The following ATRNL1 variants were observed in gnomAD, a reference collection of about 807,000 sequenced individuals.
ATRNL1 encodes the protein attractin-like protein 1.
ATRNL1 carries 95 observed loss-of-function variants against 182.7 expected under a neutral mutation model. The observed-to-expected ratio is 0.52, with a 90% CI of 0.44 to 0.62. The LOEUF (loss-of-function observed/expected upper bound fraction) is 0.62, where lower values mean the gene tolerates loss of function less well. ATRNL1 is among the 20% of genes least tolerant of loss of function. The pLI is 0.00. For synonymous variants in ATRNL1, 576 were observed against 568.3 expected (o/e 1.01, Z -0.19); for missense variants, 1,471 against 1,679.5 (o/e 0.88, Z 2.17).
intron 28 of ATRNL1, among the ~76,000 whole-genome samples, chr10:115,879,570 G>A (rs1219128082): frequency 6.6e-6 from 1 of 152,198 alleles, no homozygotes. Flanking sequence ...GTGAGAAAGG[G>A]AACCGAGAAT....
At chr10:115,764,729 A>G (rs1446951356) in intron 27 of ATRNL1, among the ~76,000 whole-genome samples, 10 of 151,796 alleles carry the variant, frequency 6.6e-5, no homozygotes, top group Non-Finnish European at 1.5e-4. Context: ...CTGGAGTGCA[A>G]TGGTGCAATC....
chr10:115,935,628 C>T (rs557946738), intron 28 of ATRNL1, among the ~76,000 whole-genome samples: 249 of 152,176 alleles, frequency 1.6e-3, no homozygotes, highest in African/African-American at 5.5e-3. Context: ...GTCATTTAAC[C>T]GCTCCGTGCC....
intron 28 of ATRNL1, among the ~76,000 whole-genome samples, chr10:115,848,354 G>A (rs1950978073): frequency 6.6e-6 from 1 of 152,104 alleles, no homozygotes; most frequent in South Asian, 2.1e-4. Flanking sequence ...GTGGCATGTT[G>A]GAAACCAAAT....
chr10:115,223,309 T>C (rs1476161150), intron 9 of ATRNL1, among the ~76,000 whole-genome samples: 1 of 152,092 alleles, frequency 6.6e-6, no homozygotes, highest in East Asian at 1.9e-4. Context: ...TTATACTAAA[T>C]GTGACAGATT....
At chr10:115,513,100 A>G (rs571042185) in intron 24 of ATRNL1, among the ~76,000 whole-genome samples, 1 of 152,110 alleles carries the variant, frequency 6.6e-6, no homozygotes, top group South Asian at 2.1e-4. Flanking sequence ...GTATGGCCTA[A>G]GACAATTCTT....
At chr10:115,732,888 G>T (rs1242557116) in intron 27 of ATRNL1, among the ~76,000 whole-genome samples, 1 of 152,090 alleles carries the variant, frequency 6.6e-6, no homozygotes, top group Non-Finnish European at 1.5e-5. Flanking sequence ...GATAATTGTG[G>T]ATCTTAAGGA....
intron 26 of ATRNL1, among the ~76,000 whole-genome samples, chr10:115,576,547 CT>C: frequency 6.6e-6 from 1 of 152,038 alleles, no homozygotes; most frequent in Non-Finnish European, 1.5e-5. Flanking sequence ...GGAGAAATGT[CT>C]ATTTACATTC....
chr10:115,814,294 G>A (rs1314852231), intron 27 of ATRNL1, among the ~76,000 whole-genome samples: 1 of 152,014 alleles, frequency 6.6e-6, no homozygotes, highest in Non-Finnish European at 1.5e-5. Context: ...ATCTTGATAT[G>A]GTAGGCAATG....
At chr10:115,856,579 A>T (rs1951194019) in intron 28 of ATRNL1, among the ~76,000 whole-genome samples, 1 of 152,044 alleles carries the variant, frequency 6.6e-6, no homozygotes, top group East Asian at 1.9e-4. Context: ...ACAATTTTCC[A>T]CAGACCTGGG....
chr10:115,737,267 C>A (rs1555066138), intron 27 of ATRNL1, among the ~76,000 whole-genome samples: 1 of 73,656 alleles, frequency 1.4e-5, no homozygotes, highest in Non-Finnish European at 3.1e-5. Flanking sequence ...CTCTACAAAA[C>A]ATCCCCCCCC....
intron 24 of ATRNL1, among the ~76,000 whole-genome samples, chr10:115,498,644 A>T (rs1728101856): frequency 6.6e-6 from 1 of 151,832 alleles, no homozygotes; most frequent in Non-Finnish European, 1.5e-5. Flanking sequence ...CTTAAAAATT[A>T]GATACTTTCT....
At position 115,475,406 on chromosome 10, in the gene ATRNL1, A is replaced by G. The variant is rs1407603733; in HGVS notation, c.3654+6077A>G. Reference sequence around the variant, plus strand: ...CTATCAGTTTGTCAGTTATGATGTCAGTAATGATGTTCTAGTTGTTATCAA... The same window carrying G: ...CTATCAGTTTGTCAGTTATGATGTCGGTAATGATGTTCTAGTTGTTATCAA... On this transcript the variant is annotated intron_variant, in intron 24 of 28. Transcript: ENST00000355044. Among the ~76,000 whole-genome samples the G allele has an allele frequency of 2.0e-5, 3 of 151,540 alleles. No individual in the cohort carries two copies. The Admixed American group carries it at 2.0e-4, about 10-fold the overall frequency.
chr10:115,755,729 G>C (rs1199887632), intron 27 of ATRNL1, among the ~76,000 whole-genome samples: 2 of 152,094 alleles, frequency 1.3e-5, no homozygotes, highest in African/African-American at 4.8e-5. Flanking sequence ...TTTTGGAATA[G>C]TTTCAAAAGG....
chr10:115,105,934 G>A (rs998452506), intron 1 of ATRNL1, among the ~76,000 whole-genome samples: 1 of 152,188 alleles, frequency 6.6e-6, no homozygotes, highest in Non-Finnish European at 1.5e-5. Flanking sequence ...CCCACACAGA[G>A]TCCCTACTGG....
chr10:115,692,802 CATT>C (rs1276802860), intron 26 of ATRNL1, among the ~76,000 whole-genome samples: 3 of 151,830 alleles, frequency 2.0e-5, no homozygotes, highest in Non-Finnish European at 4.4e-5. Flanking sequence ...TTGTAGAAGA[CATT>C]AATGTTTTAG....
intron 5 of ATRNL1, among the ~76,000 whole-genome samples, chr10:115,153,828 T>A (rs926097364): frequency 2.6e-5 from 4 of 152,228 alleles, no homozygotes; most frequent in Non-Finnish European, 5.9e-5. Context: ...CAATTTTAGA[T>A]CTTTTCTGCT....
intron 21 of ATRNL1, among the ~76,000 whole-genome samples, chr10:115,445,883 G>A (rs1002761552): frequency 1.7e-4 from 3 of 17,822 alleles, no homozygotes; most frequent in East Asian, 4.7e-3. Flanking sequence ...TCTTTCATTA[G>A]CACAGTATTT....
chr10:115,852,358 T>G (rs1951076638), intron 28 of ATRNL1, among the ~76,000 whole-genome samples: 3 of 152,204 alleles, frequency 2.0e-5, no homozygotes, highest in African/African-American at 7.2e-5. Flanking sequence ...ACATAATGTT[T>G]AAAATGATAG....
intron 26 of ATRNL1, among the ~76,000 whole-genome samples, chr10:115,668,687 A>G (rs1179062693): frequency 6.6e-6 from 1 of 152,114 alleles, no homozygotes; most frequent in East Asian, 1.9e-4. Context: ...TTTTTTCTCT[A>G]GGATTACATA....
Sources: allele counts gnomAD v4.1 joint callset (sites outside exome capture counted in the v4.1 genomes callset), GRCh38; gene constraint gnomAD v4.1.1; transcripts MANE v1.5; gene names NCBI Gene and HGNC (gene_info 2026-07-23, HGNC 2026-07-21).